The following DDC variants were observed in gnomAD, a reference collection of about 807,000 sequenced individuals.
DDC encodes aromatic-L-amino-acid decarboxylase.
A neutral mutation model predicts 60.0 loss-of-function variants in DDC; 43 were observed. The observed-to-expected ratio is 0.72, with a 90% confidence interval of 0.56 to 0.92. DDC has a LOEUF of 0.92. DDC is among the 40% of genes least tolerant of loss of function. The pLI is 0.00. For missense variants in DDC, 573 were observed against 620.2 expected (o/e 0.92, Z 0.81); for synonymous variants, 232 against 234.6 (o/e 0.99, Z 0.10).
At chr7:50,528,782 C>T (rs925126429) in intron 5 of DDC, among the ~76,000 whole-genome samples, 2 of 152,100 alleles carry the variant, frequency 1.3e-5, no homozygotes, top group Non-Finnish European at 2.9e-5. Flanking sequence ...AGGCAATTCT[C>T]ATGAAAGCCG....
At chr7:50,553,766 T>A (rs1417360017) in intron 1 of DDC, among the ~76,000 whole-genome samples, 1 of 152,116 alleles carries the variant, frequency 6.6e-6, no homozygotes, top group East Asian at 1.9e-4. Flanking sequence ...ATTACAGGTG[T>A]GAACCACCGT....
At chr7:50,522,248 T>C (rs1383906397) in intron 6 of DDC, among the ~76,000 whole-genome samples, 1 of 150,932 alleles carries the variant, frequency 6.6e-6, no homozygotes, top group Non-Finnish European at 1.5e-5. Flanking sequence ...ACTACAATAC[T>C]CTAATGAAGA....
intron 6 of DDC, among the ~76,000 whole-genome samples, chr7:50,518,487 T>A (rs2043799624): frequency 6.6e-6 from 1 of 152,174 alleles, no homozygotes; most frequent in Admixed American, 6.5e-5. Flanking sequence ...GATTTCAAAC[T>A]ATACTATAAG....
intron 6 of DDC, among the ~76,000 whole-genome samples, chr7:50,509,181 G>A (rs1563013800): frequency 6.6e-6 from 1 of 151,976 alleles, no homozygotes; most frequent in African/African-American, 2.4e-5. Flanking sequence ...GGCTGGTACG[G>A]TGCCGGTGCA....
At chr7:50,534,495 A>G (rs2044324523) in intron 4 of DDC, among the ~76,000 whole-genome samples, 1 of 152,082 alleles carries the variant, frequency 6.6e-6, no homozygotes, top group Non-Finnish European at 1.5e-5. Context: ...CTTCTTGGGA[A>G]GCTGAGGCAG....
rs2153550391 is a variant in DDC, at chr7:50,543,917, T to C, written c.169A>G (p.Ile57Val). 6.2e-7 allele frequency: 1 copy of C among 1,614,172 alleles called. No homozygotes were observed. Among genetic ancestry groups the C allele is most frequent in the Non-Finnish European group, 8.5e-7 (1 of 1,180,036 alleles). ...PQEPDTFEDI[I>V]NDVEKIIMPG... ...ATGATTATCTTCTCAACGTCGTTGA[T>C]GATGTCCTCAAACGTGTCTGGCTCC... Residue 57 changes from isoleucine (I) to valine (V), a missense_variant, in exon 2 of 15, where the codon ATC becomes GTC. Ile to Val is a conservative substitution (Grantham distance 29). Transcript: ENST00000444124.
chr7:50,521,311 A>C (rs2043883712), intron 6 of DDC, among the ~76,000 whole-genome samples: 1 of 152,154 alleles, frequency 6.6e-6, no homozygotes, highest in South Asian at 2.1e-4. Flanking sequence ...AATAATTAAA[A>C]ACCTTCTAAA....
intron 11 of DDC, among the ~76,000 whole-genome samples, chr7:50,473,578 A>G (rs1327611745): frequency 6.6e-6 from 1 of 152,206 alleles, no homozygotes; most frequent in Non-Finnish European, 1.5e-5. Flanking sequence ...ACAGAAGGCC[A>G]ATCACCCCAG....
intron 6 of DDC, among the ~76,000 whole-genome samples, chr7:50,526,474 G>A (rs116351828): frequency 0.012 from 1,826 of 152,060 alleles, 32 homozygotes; most frequent in African/African-American, 0.04. Context: ...AAAAGATGCC[G>A]AATGGAAATA....
intron 2 of DDC, chr7:50,543,104 C>T (rs2044687808): frequency 6.5e-6 from 1 of 153,728 alleles, no homozygotes; most frequent in Admixed American, 6.4e-5. Context: ...TGCCTGGACT[C>T]TGCACATTGT....
At chr7:50,547,539 G>A (rs1359645999) in intron 1 of DDC, among the ~76,000 whole-genome samples, 1 of 152,146 alleles carries the variant, frequency 6.6e-6, no homozygotes, top group Admixed American at 6.5e-5. Flanking sequence ...TCTATTGTGT[G>A]ATTTCTCACA....
At chr7:50,475,270 A>G (rs2042616233) in intron 11 of DDC, among the ~76,000 whole-genome samples, 1 of 152,222 alleles carries the variant, frequency 6.6e-6, no homozygotes, top group African/African-American at 2.4e-5. Context: ...TTTTAATATT[A>G]TTGTCATATT....
chr7:50,458,947 C>CTCTCCCTCTCCCCACGG (rs2042184545), intron 14 of DDC, 104 bp from the exon 15 acceptor site: 1 of 150,604 alleles, frequency 6.6e-6, no homozygotes, highest in Non-Finnish European at 1.5e-5. Flanking sequence ...CCTCTCCCCC[C>CTCTCCCTCTCCCCACGG]TCTCCCTCTC....
intron 1 of DDC, among the ~76,000 whole-genome samples, chr7:50,554,198 T>C (rs2045105488): frequency 6.6e-6 from 1 of 152,096 alleles, no homozygotes; most frequent in Non-Finnish European, 1.5e-5. Context: ...CAAGAATGCA[T>C]GCAAATACCT....
chr7:50,543,148 A>G (rs1437906240), intron 2 of DDC: 1 of 154,458 alleles, frequency 6.5e-6, no homozygotes, highest in Non-Finnish European at 1.4e-5. Context: ...ATCCTCATAA[A>G]CATTCGTGAT....
At chr7:50,514,587 CA>C (rs2153542726) in intron 6 of DDC, among the ~76,000 whole-genome samples, 1 of 152,208 alleles carries the variant, frequency 6.6e-6, no homozygotes, top group South Asian at 2.1e-4. Context: ...CAAAACAATA[CA>C]AGAAGTAAGA....
chr7:50,492,902 T>G, intron 9 of DDC: 23 of 1,595,264 alleles, frequency 1.4e-5, no homozygotes, highest in Non-Finnish European at 2.0e-5. Context: ...GGGCATCAGC[T>G]CTGCGGCAGG....
At position 50,527,990 on chromosome 7, in the gene DDC, G is replaced by A. The variant is rs1200284027; in HGVS notation, c.714+147C>T. On this transcript the variant is annotated intron_variant, in intron 6 of 14. Coordinates refer to ENST00000444124, the MANE Select transcript of DDC (RefSeq NM_001082971.2). ...CGGCTCACTGCAACCTCCGCCTCCC[G>A]GGTTCACGCCATTCTCCTGCCTCAG... The A allele has an allele frequency of 1.2e-5, 10 of 858,760 alleles. No homozygotes were observed. The South Asian group carries it at 1.4e-4, about 12-fold the overall frequency. 53.2% of individuals were successfully genotyped at this position (858,760 alleles called of 1,614,324 possible). A position where few individuals can be genotyped will look rare whatever the true frequency, so the allele number is the denominator to read the frequency against.
intron 14 of DDC, among the ~76,000 whole-genome samples, chr7:50,462,000 T>G (rs532777968): frequency 6.6e-6 from 1 of 152,286 alleles, no homozygotes; most frequent in Non-Finnish European, 1.5e-5. Flanking sequence ...GATTTTCAAC[T>G]TCTGACTTGT....
Sources: allele counts gnomAD v4.1 joint callset (sites outside exome capture counted in the v4.1 genomes callset), GRCh38; gene constraint gnomAD v4.1.1; transcripts MANE v1.5; gene names NCBI Gene and HGNC (gene_info 2026-07-23, HGNC 2026-07-21).